CEP72: variants seen among roughly 807,000 people sequenced by gnomAD.
CEP72 encodes centrosomal protein of 72 kDa.
Under a neutral mutation model 65.7 loss-of-function variants are expected in CEP72, and 78 were observed. The observed-to-expected ratio is 1.19, with a 90% CI of 0.99 to 1.43. The LOEUF (loss-of-function observed/expected upper bound fraction) is 1.43. Ranked by LOEUF, CEP72 falls within the 40% of genes most tolerant of loss-of-function variation. The probability of loss-of-function intolerance (pLI) is 0.00; values close to 1 mark genes in which losing one functional copy is unlikely to be tolerated. For missense variants in CEP72, 914 were observed against 832.9 expected (o/e 1.10, Z -1.20); for synonymous variants, 358 against 351.7 (o/e 1.02, Z -0.20).
chr5:642,505 T>G, intron 9 of CEP72: 1 of 985,498 alleles, frequency 1.0e-6, no homozygotes, highest in South Asian at 4.7e-5. Context: ...CCCCTTGCCC[T>G]TCTGAGCCTG....
At chr5:670,915 CCTCAT>C (rs1740198330), downstream of CEP72, among the ~76,000 whole-genome samples, 1 of 152,212 alleles carries the variant, frequency 6.6e-6, no homozygotes, top group African/African-American at 2.4e-5. Flanking sequence ...GGGCTTCTCC[CCTCAT>C]CTCAGGAAAC....
In CEP72 at chr5:645,074, TC is replaced by T. The variant is rs560456388; in HGVS notation, c.1666+652del. On this transcript the variant is annotated intron_variant, in intron 10 of 11. Coordinates refer to ENST00000264935, the MANE Select transcript of CEP72 (RefSeq NM_018140.4). The surrounding 1 kb of genome is among the most constrained non-coding windows in gnomAD (Gnocchi z 4.0). ...TCTCTTGGAAGTTTTAACTCATACT[TC>T]CCTGAGATTGACAAGTCGAGCATCT... Among the ~76,000 whole-genome samples, 22 of 152,262 alleles carry T rather than the reference TC, an allele frequency of 1.4e-4. No homozygotes were observed. The highest frequency in any genetic ancestry group is 5.1e-4 in the African/African-American group (21 of 41,530).
chr5:612,547 G>A (rs1735738765), intron 1 of CEP72, 104 bp downstream of exon 1: 3 of 1,255,464 alleles, frequency 2.4e-6, no homozygotes, highest in Non-Finnish European at 3.0e-6. Flanking sequence ...ACCCGTCTAC[G>A]CAGGCGCCGC....
Position 636,354 on chromosome 5 carries a change from ACCCT to A in CEP72, c.904+776_904+779del, listed in dbSNP as rs1579980669. 2.0e-5 allele frequency among the ~76,000 whole-genome samples: 3 copies of A among 152,120 alleles called. No individual in the cohort carries two copies. In the South Asian group the frequency reaches 6.2e-4, roughly 32 times the overall value. ...TTTCTCTGCACGTGTGTGTGTGCAC[ACCCT>A]CCCTCACCCTCTCACTAATGCACAC... On this transcript the variant is annotated intron_variant, in intron 6 of 11. Transcript: ENST00000264935.
chr5:670,172 C>G (rs10035635), downstream of CEP72, among the ~76,000 whole-genome samples: 4 of 152,140 alleles, frequency 2.6e-5, no homozygotes, highest in Non-Finnish European at 5.9e-5. Context: ...GACAGCCCTC[C>G]GAGGACTGAG....
Position 647,474 on chromosome 5 carries a change from G to A in CEP72, c.1667-331G>A, listed in dbSNP as rs538744951. Reference sequence around the variant, plus strand: ...TCAGGGGCACAGTGTGCTTCCTTGTGGAGGAGGAACCAGCAGACAGGCCCA... The same window carrying A: ...TCAGGGGCACAGTGTGCTTCCTTGTAGAGGAGGAACCAGCAGACAGGCCCA... On this transcript the variant is annotated intron_variant, in intron 10 of 11. Transcript: ENST00000264935. 5.9e-5 allele frequency among the ~76,000 whole-genome samples: 9 copies of A among 152,332 alleles called. No individual in the cohort carries two copies. The South Asian group carries it at 1.7e-3, about 28-fold the overall frequency.
downstream of CEP72, among the ~76,000 whole-genome samples, chr5:659,642 C>T (rs1235152725): frequency 6.6e-6 from 1 of 152,222 alleles, no homozygotes; most frequent in African/African-American, 2.4e-5. Flanking sequence ...GAGCAGGACT[C>T]ACACCTGACA....
At chr5:673,623 C>T in the CEP72 span, among the ~76,000 whole-genome samples, 4 of 152,324 alleles carry the variant, frequency 2.6e-5, no homozygotes, top group African/African-American at 7.2e-5. Context: ...CTCAACCCCT[C>T]GCTGGGCTTG....
At chr5:627,977 G>A (rs76154257) in intron 4 of CEP72, among the ~76,000 whole-genome samples, 2,434 of 152,290 alleles carry the variant, frequency 0.016, 28 homozygotes, top group Non-Finnish European at 0.026. Context: ...CTCAGGGTGC[G>A]CGCGGGCACG....
rs1451399825 is a variant in CEP72 at position 623,575 on chromosome 5, C to G, written c.404-896C>G. Among the ~76,000 whole-genome samples the G allele has an allele frequency of 6.6e-6, 1 of 151,860 alleles. No homozygotes were observed. The highest frequency in any genetic ancestry group is 2.4e-5 in the African/African-American group (1 of 41,316). On this transcript the variant is annotated intron_variant, in intron 3 of 11. Transcript: ENST00000264935. This position sits in a 1 kb window ranked among gnomAD's most constrained non-coding sequence, Gnocchi z 5.3. ...CTTGGAGTACGGGATTTGGAACTGACTCAGAAGGGAAGCGAGTCTTGGTGG... is the reference window on the plus strand; with the variant it reads ...CTTGGAGTACGGGATTTGGAACTGAGTCAGAAGGGAAGCGAGTCTTGGTGG...
intron 3 of CEP72, among the ~76,000 whole-genome samples, chr5:621,795 A>C (rs1271119560): frequency 1.3e-5 from 2 of 152,328 alleles, no homozygotes; most frequent in East Asian, 3.9e-4. Context: ...TATTTTTGAG[A>C]CATAGTCTCG....
At chr5:637,328 A>G (rs1709554) in intron 6 of CEP72, among the ~76,000 whole-genome samples, 189 bp from the exon 7 acceptor site, 102,636 of 151,990 alleles carry the variant, frequency 0.68, 35,979 homozygotes, top group African/African-American at 0.88. Flanking sequence ...CTCCCTCTGC[A>G]TGTGCCTTTG....
intron 7 of CEP72, 96 bp from the exon 8 acceptor site, chr5:638,971 AGGGCACCTGTCCTCCCCTTCGT>A: frequency 7.5e-7 from 1 of 1,340,230 alleles, no homozygotes; most frequent in Non-Finnish European, 1.0e-6. Flanking sequence ...CTGGGGCCTC[AGGGCACCTGTCCTCCCCTTCGT>A]GGTGCGAGGG....
chr5:639,023 G>T (rs1737816333), intron 7 of CEP72, 66 bp from the exon 8 acceptor site: 3 of 1,601,394 alleles, frequency 1.9e-6, no homozygotes, highest in Non-Finnish European at 1.7e-6. Flanking sequence ...GTGCGCTTGG[G>T]CACCTGCTGG....
chr5:654,371 GT>G (rs1739309771), downstream of CEP72, among the ~76,000 whole-genome samples: 1 of 150,436 alleles, frequency 6.6e-6, no homozygotes, highest in Non-Finnish European at 1.5e-5. Flanking sequence ...TGTGCTGTGT[GT>G]GCACGCGTTG....
At chr5:627,919 G>A (rs184693694) in intron 4 of CEP72, among the ~76,000 whole-genome samples, 16 of 152,328 alleles carry the variant, frequency 1.1e-4, no homozygotes, top group African/African-American at 2.6e-4. Flanking sequence ...CGCCATTCAC[G>A]CTGCTGACCG....
chr5:621,283 A>G (rs950925329), intron 3 of CEP72, among the ~76,000 whole-genome samples: 16 of 152,218 alleles, frequency 1.1e-4, no homozygotes, highest in African/African-American at 3.9e-4. Context: ...AATCCCAACT[A>G]TCTTGTTAGA....
At chr5:617,259 A>G (rs765176022) in intron 1 of CEP72, among the ~76,000 whole-genome samples, 16 of 152,246 alleles carry the variant, frequency 1.1e-4, no homozygotes, top group African/African-American at 2.6e-4. Flanking sequence ...CAGTCCCCCA[A>G]TGCTTGTTCC....
At chr5:628,551 C>CCGTCCCCGGGG in intron 4 of CEP72, among the ~76,000 whole-genome samples, 1 of 148,330 alleles carries the variant, frequency 6.7e-6, no homozygotes, top group African/African-American at 2.4e-5. Context: ...ACTCAGGTTG[C>CCGTCCCCGGGG]AGTCCCCGGG....
Sources: gnomAD v4.1 joint callset for allele counts (sites outside exome capture counted in the v4.1 genomes callset) on GRCh38, gnomAD v4.1.1 for gene constraint, Gnocchi (gnomAD v3.1) non-coding constraint, MANE v1.5 for transcripts, NCBI Gene and HGNC (gene_info 2026-07-23, HGNC 2026-07-21) for gene names.